Variants in ARPP19 observed in about 807,000 individuals in gnomAD.
ARPP19 encodes cAMP-regulated phosphoprotein 19.
In ARPP19, 8 loss-of-function variants were observed where a neutral mutation model predicts 12.0. The ratio of observed to expected loss-of-function variants is 0.67; its 90% CI spans 0.39 to 1.21. ARPP19 has a LOEUF of 1.21. Among genes scored for constraint, ARPP19 ranks in the 50% most tolerant of loss-of-function variants. ARPP19 has a pLI of 0.01. For missense variants in ARPP19, 102 were observed against 136.3 expected, an observed-to-expected ratio of 0.75 and a Z score of 1.25; for synonymous variants, 47 against 50.4, an observed-to-expected ratio of 0.93 and a Z score of 0.29.
At chr15:52,569,141 T>A (rs562974505), upstream of ARPP19, 8 of 519,260 alleles carry the variant, frequency 1.5e-5, no homozygotes, top group Non-Finnish European at 2.7e-5. Flanking sequence ...CCGCTCGCTG[T>A]CGTCCAAACA....
intron 1 of ARPP19, among the ~76,000 whole-genome samples, chr15:52,558,274 C>T (rs2077999956): frequency 6.6e-6 from 1 of 151,914 alleles, no homozygotes; most frequent in Admixed American, 6.6e-5. Flanking sequence ...ATGGACAAAA[C>T]CCAACCTTTG....
intron 1 of ARPP19, among the ~76,000 whole-genome samples, chr15:52,564,654 T>C (rs563774826): frequency 2.0e-4 from 30 of 152,292 alleles, no homozygotes; most frequent in Admixed American, 4.6e-4. Context: ...AGCTTTCCTG[T>C]GGGTATCCTT....
In ARPP19 at chr15:52,568,860, C is replaced by G. The variant is rs747356685; in HGVS notation, c.33G>C (p.Ala11=). Residue 11 remains alanine (A), a synonymous_variant, in exon 1 of 3, where the codon GCG becomes GCC. Coordinates refer to ENST00000249822, the MANE Select transcript of ARPP19 (RefSeq NM_006628.6). ...CCCGCGCGCTCACCTTCTGCTCCTC[C>G]GCGGAGGCTGCCTCGGGGACTTCCG... The part of the protein sequence containing the change: MSAEVPEAAS[A]EEQKEMEDKV... 1 of 1,569,120 alleles carries G rather than the reference C, an allele frequency of 6.4e-7. No individual in the cohort carries two copies. Among genetic ancestry groups the G allele is most frequent in the East Asian group, 2.6e-5 (1 of 39,008 alleles).
chr15:52,550,346 A>T lies in ARPP19; in HGVS notation c.*1588T>A, dbSNP rs192347686. The stretch of plus-strand genomic sequence containing the variant: ...ATTTTTAATAGGAGTTTTACCTGTC[A>T]TGTAAATTACTCTAATTGTCACAAG... On this transcript the variant is annotated 3_prime_UTR_variant, in exon 3 of 3. Transcript: ENST00000249822. 524 of 152,372 alleles carry T rather than the reference A, an allele frequency of 3.4e-3. 6 individuals carry two copies. The highest frequency in any genetic ancestry group is 0.012 in the African/African-American group (497 of 41,586). The allele number at this position is 152,372 out of a possible 1,614,324, so 9.4% of individuals were successfully genotyped here.
chr15:52,553,739 A>G (rs1210664727), intron 2 of ARPP19, among the ~76,000 whole-genome samples: 4 of 152,360 alleles, frequency 2.6e-5, no homozygotes, highest in South Asian at 2.1e-4. Flanking sequence ...TCTTAAGCTA[A>G]TATCTTCAGG....
At chr15:52,563,330 A>G (rs2078052363) in intron 1 of ARPP19, among the ~76,000 whole-genome samples, 1 of 152,220 alleles carries the variant, frequency 6.6e-6, no homozygotes, top group Admixed American at 6.5e-5. Context: ...CGCAGAAGGC[A>G]GAATTCTGAA....
rs1309930027 is a variant in ARPP19 at position 52,549,766 on chromosome 15, TG to T, written c.*2167del. The T allele has an allele frequency of 6.6e-6, 1 of 152,582 alleles. No individual in the cohort carries two copies. The highest frequency in any genetic ancestry group is 1.5e-5 in the Non-Finnish European group (1 of 68,040). 9.5% of individuals were successfully genotyped at this position (152,582 alleles called of 1,614,324 possible). A position where few individuals can be genotyped will look rare whatever the true frequency, so the allele number is the denominator to read the frequency against. On this transcript the variant is annotated 3_prime_UTR_variant, in exon 3 of 3. Coordinates refer to ENST00000249822, the MANE Select transcript of ARPP19 (RefSeq NM_006628.6). Reference sequence around the variant, plus strand: ...AATGGTAATTACTTGCAAATATTCATGAAAAAAACCAAGACTAGATATAGAA... The same window carrying T: ...AATGGTAATTACTTGCAAATATTCATAAAAAAACCAAGACTAGATATAGAA...
chr15:52,562,965 C>T (rs980090144), intron 1 of ARPP19, among the ~76,000 whole-genome samples: 6 of 150,694 alleles, frequency 4.0e-5, no homozygotes, highest in Admixed American at 6.6e-5. Context: ...CCCCTCCCCA[C>T]GCTGGGTTCA....
At chr15:52,559,067 G>A (rs117937847) in intron 1 of ARPP19, among the ~76,000 whole-genome samples, 4,932 of 152,062 alleles carry the variant, frequency 0.032, 112 homozygotes, top group Non-Finnish European at 0.046. Flanking sequence ...TTTCAGTCTC[G>A]GAGAATTTTG....
chr15:52,558,972 T>A (rs2078008235), intron 1 of ARPP19, among the ~76,000 whole-genome samples: 1 of 152,104 alleles, frequency 6.6e-6, no homozygotes, highest in Non-Finnish European at 1.5e-5. Flanking sequence ...CTCTCATACA[T>A]GTTTTATAAT....
In ARPP19 at chr15:52,550,616, TAAAAA is replaced by T. The variant is rs150778286; in HGVS notation, c.*1313_*1317del. 1 of 146,140 alleles carries T rather than the reference TAAAAA, an allele frequency of 6.8e-6. No homozygotes were observed. The highest frequency in any genetic ancestry group is 2.5e-5 in the African/African-American group (1 of 39,944). 9.1% of individuals were successfully genotyped at this position (146,140 alleles called of 1,614,324 possible). A position where few individuals can be genotyped will look rare whatever the true frequency, so the allele number is the denominator to read the frequency against. On this transcript the variant is annotated 3_prime_UTR_variant, in exon 3 of 3. Transcript: ENST00000249822. ...CAGGTGACAGAGCAAGGCCCTATCC[TAAAAA>T]AAAAAGAGAAAGAAGTTAACAACTG... is the stretch of plus-strand genomic sequence containing the variant.
In ARPP19 at chr15:52,550,807, C is replaced by G. The variant is rs1174428277; in HGVS notation, c.*1127G>C. On this transcript the variant is annotated 3_prime_UTR_variant, in exon 3 of 3. Transcript: ENST00000249822. Reference sequence around the variant, plus strand: ...GGGCATGGAATGCAGAGTATTGAAGCCTTTTATTCTAGGGTCTCCAAAACT... The same window carrying G: ...GGGCATGGAATGCAGAGTATTGAAGGCTTTTATTCTAGGGTCTCCAAAACT... 1 of 152,560 alleles carries G rather than the reference C, an allele frequency of 6.6e-6. No individual in the cohort carries two copies. The highest frequency in any genetic ancestry group is 1.5e-5 in the Non-Finnish European group (1 of 68,034). 9.5% of individuals were successfully genotyped at this position (152,560 alleles called of 1,614,324 possible).
intron 1 of ARPP19, among the ~76,000 whole-genome samples, chr15:52,566,989 T>C (rs959217700): frequency 6.6e-6 from 1 of 152,158 alleles, no homozygotes; most frequent in Non-Finnish European, 1.5e-5. Context: ...GCTGAATACT[T>C]TGGCTTTAAG....
rs1242990114 is a variant in ARPP19 at position 52,549,841 on chromosome 15, T to C, written c.*2093A>G. On this transcript the variant is annotated 3_prime_UTR_variant, in exon 3 of 3. Coordinates refer to ENST00000249822, the MANE Select transcript of ARPP19 (RefSeq NM_006628.6). Reference sequence around the variant, plus strand: ...CTTCTTAAATTGATTCTATAATGAGTATATACTTGCTCTCATTACAAATAT... The same window carrying C: ...CTTCTTAAATTGATTCTATAATGAGCATATACTTGCTCTCATTACAAATAT... 1 of 151,968 alleles carries C rather than the reference T, an allele frequency of 6.6e-6. No individual in the cohort carries two copies. Among genetic ancestry groups the C allele is most frequent in the Non-Finnish European group, 1.5e-5 (1 of 67,904 alleles). 9.4% of individuals were successfully genotyped at this position (151,968 alleles called of 1,614,324 possible). A position where few individuals can be genotyped will look rare whatever the true frequency, so the allele number is the denominator to read the frequency against.
chr15:52,547,924 G>A lies in ARPP19; in HGVS notation c.*4010C>T, dbSNP rs2077893016. The A allele has an allele frequency of 6.6e-6, 1 of 152,226 alleles. No individual in the cohort carries two copies. The highest frequency in any genetic ancestry group is 1.5e-5 in the Non-Finnish European group (1 of 68,056). The allele number at this position is 152,226 out of a possible 1,614,324, so 9.4% of individuals were successfully genotyped here. A position where few individuals can be genotyped will look rare whatever the true frequency, so the allele number is the denominator to read the frequency against. On this transcript the variant is annotated 3_prime_UTR_variant, in exon 3 of 3. Coordinates refer to ENST00000249822, the MANE Select transcript of ARPP19 (RefSeq NM_006628.6). ...GAAATAAGCAGGGATGGGGGATAGAGAGGCAAAATGAGGTGAAAGAGAAAA... is the reference window on the plus strand; with the variant it reads ...GAAATAAGCAGGGATGGGGGATAGAAAGGCAAAATGAGGTGAAAGAGAAAA...
At position 52,559,634 on chromosome 15, in the gene ARPP19, A is replaced by G. The variant is rs148086720; in HGVS notation, c.46-2412T>C. Among the ~76,000 whole-genome samples the G allele has an allele frequency of 3.3e-5, 5 of 152,326 alleles. No individual in the cohort carries two copies. In the East Asian group the frequency reaches 9.6e-4, roughly 29 times the overall value. On this transcript the variant is annotated intron_variant, in intron 1 of 2. Coordinates refer to ENST00000249822, the MANE Select transcript of ARPP19 (RefSeq NM_006628.6). ...ACATTAGAACCTAACCCCATGTAAGATATGACTATACCATATTCATCACCA... is the reference window on the plus strand; with the variant it reads ...ACATTAGAACCTAACCCCATGTAAGGTATGACTATACCATATTCATCACCA...
intron 1 of ARPP19, among the ~76,000 whole-genome samples, chr15:52,559,290 G>T (rs1020972613): frequency 6.6e-6 from 1 of 152,126 alleles, no homozygotes; most frequent in African/African-American, 2.4e-5. Flanking sequence ...CTCCAGAGAG[G>T]TAAGTGTGAG....
chr15:52,556,230 G>A (rs556829942), intron 2 of ARPP19, among the ~76,000 whole-genome samples: 31 of 152,232 alleles, frequency 2.0e-4, no homozygotes, highest in African/African-American at 7.5e-4. Context: ...GTATATGAAT[G>A]TATTTAAGGA....
At chr15:52,560,675 G>A (rs2078024000) in intron 1 of ARPP19, among the ~76,000 whole-genome samples, 1 of 152,228 alleles carries the variant, frequency 6.6e-6, no homozygotes, top group South Asian at 2.1e-4. Flanking sequence ...TTAATGATAA[G>A]TTAGTTCAAG....
Sources: allele counts gnomAD v4.1 joint callset (sites outside exome capture counted in the v4.1 genomes callset), GRCh38; gene constraint gnomAD v4.1.1; transcripts MANE v1.5; gene names NCBI Gene and HGNC (gene_info 2026-07-23, HGNC 2026-07-21).